TRPC7: variants seen among roughly 807,000 people sequenced by gnomAD.
TRPC7 encodes the protein short transient receptor potential channel 7.
A neutral mutation model predicts 90.1 loss-of-function variants in TRPC7; 42 were observed. That is an observed-to-expected ratio of 0.47 (90% confidence interval 0.36 to 0.60). The LOEUF is 0.60. TRPC7 is among the 20% of genes least tolerant of loss of function. TRPC7 has a pLI of 0.00. For missense variants in TRPC7, 955 were observed against 1,112.3 expected, an observed-to-expected ratio of 0.86 and a Z score of 2.01; for synonymous variants, 451 against 436.3, an observed-to-expected ratio of 1.03 and a Z score of -0.42.
Position 136,264,890 on chromosome 5 carries a change from C to T in TRPC7, c.1345+1330G>A, listed in dbSNP as rs114405782. Among the ~76,000 whole-genome samples, 1,459 of 152,214 alleles carry T rather than the reference C, an allele frequency of 9.6e-3. 14 individuals carry two copies. The highest frequency in any genetic ancestry group is 0.033 in the African/African-American group (1,378 of 41,526). The stretch of plus-strand genomic sequence containing the variant: ...ACAGGTGTGAGCCACTGTGCCTGGC[C>T]GGGTTGCTGGTTTTATAAAGTCCCT... On this transcript the variant is annotated intron_variant, in intron 5 of 11. Transcript: ENST00000513104.
chr5:136,306,776 C>A (rs1350995085), intron 3 of TRPC7, among the ~76,000 whole-genome samples: 1 of 152,168 alleles, frequency 6.6e-6, no homozygotes, highest in African/African-American at 2.4e-5. Context: ...GTAATCTCCC[C>A]CACCCTTAAG....
intron 3 of TRPC7, among the ~76,000 whole-genome samples, chr5:136,300,646 G>C (rs983989916): frequency 2.0e-5 from 3 of 152,232 alleles, no homozygotes; most frequent in African/African-American, 4.8e-5. Context: ...CTTTTCCAGA[G>C]TGACAAACCC....
chr5:136,227,264 G>A (rs564455896), intron 8 of TRPC7, among the ~76,000 whole-genome samples: 13 of 152,190 alleles, frequency 8.5e-5, no homozygotes, highest in Non-Finnish European at 1.9e-4. Context: ...TTTGAGACCA[G>A]GAAAGAGGCA....
chr5:136,313,118 A>G (rs1254648043), intron 3 of TRPC7, among the ~76,000 whole-genome samples: 5 of 151,868 alleles, frequency 3.3e-5, no homozygotes, highest in Non-Finnish European at 7.4e-5. Context: ...CGTGATGCAT[A>G]TTGAAGGCTC....
At chr5:136,302,972 A>G (rs13161866) in intron 3 of TRPC7, among the ~76,000 whole-genome samples, 49,492 of 151,466 alleles carry the variant, frequency 0.33, 8,480 homozygotes, top group South Asian at 0.5. Flanking sequence ...CTCCCCTCCT[A>G]GCCAGGCCGA....
rs761840301 is a variant in TRPC7 at position 136,266,297 on chromosome 5, T to C, written c.1268A>G (p.Asp423Gly). 1.2e-6 allele frequency: 2 copies of C among 1,613,968 alleles called. No individual in the cohort carries two copies. Among genetic ancestry groups the C allele is most frequent in the East Asian group, 4.5e-5 (2 of 44,876 alleles). The change falls in exon 5 of 12, where the codon GAC (aspartate) becomes GGC (glycine). Residue 423 changes from aspartate (D) to glycine (G), a missense_variant. Physicochemically the swap from Asp to Gly is moderately conservative, Grantham distance 94. This residue lies in a region of TRPC7 where 484 missense variants were observed against 509.6 expected (regional missense o/e 0.95). Coordinates refer to ENST00000513104, the MANE Select transcript of TRPC7 (RefSeq NM_020389.3). ...VKTLPNETFTDYPKQIFRVKT... is the reference protein window; with the variant it reads ...VKTLPNETFTGYPKQIFRVKT... ...CACTCTGAAGATTTGTTTTGGGTAG[T>C]CTGTGAAGGTTTCGTTTGGCAGGGT...
intron 5 of TRPC7, among the ~76,000 whole-genome samples, chr5:136,263,634 T>C (rs1756935214): frequency 6.6e-6 from 1 of 152,064 alleles, no homozygotes; most frequent in African/African-American, 2.4e-5. Context: ...AAATAAGATT[T>C]TAAGAATTGA....
intron 4 of TRPC7, among the ~76,000 whole-genome samples, chr5:136,270,900 T>C (rs1321340155): frequency 2.6e-5 from 4 of 152,214 alleles, no homozygotes; most frequent in Admixed American, 6.5e-5. Context: ...AAATTTCCTC[T>C]CCATGGCTAT....
intron 11 of TRPC7, among the ~76,000 whole-genome samples, chr5:136,215,793 AGCCTGG>A (rs1364239743): frequency 6.7e-6 from 1 of 149,110 alleles, no homozygotes; most frequent in African/African-American, 2.5e-5. Context: ...GTTGCACTCC[AGCCTGG>A]GCAACAGAGT....
At chr5:136,245,542 C>G (rs1400223906) in intron 7 of TRPC7, among the ~76,000 whole-genome samples, 2 of 152,166 alleles carry the variant, frequency 1.3e-5, no homozygotes, top group South Asian at 4.1e-4. Flanking sequence ...GGGCAGGGAT[C>G]AGAGCCATTT....
intron 3 of TRPC7, among the ~76,000 whole-genome samples, chr5:136,293,759 A>C (rs1316485275): frequency 2.6e-5 from 4 of 152,174 alleles, no homozygotes; most frequent in African/African-American, 9.7e-5. Flanking sequence ...CAAGCTACCA[A>C]TGACTTTCTT....
At chr5:136,263,202 C>G (rs2149810889) in intron 5 of TRPC7, among the ~76,000 whole-genome samples, 2 of 152,176 alleles carry the variant, frequency 1.3e-5, no homozygotes, top group African/African-American at 4.8e-5. Context: ...TGTTGATTAC[C>G]CAGGGCATTC....
intron 3 of TRPC7, among the ~76,000 whole-genome samples, chr5:136,276,368 C>T (rs1757367294): frequency 1.3e-5 from 2 of 152,260 alleles, no homozygotes; most frequent in South Asian, 2.1e-4. Context: ...TACCCTGGAA[C>T]GTCATGTGCT....
At chr5:136,331,438 T>G (rs898957924) in intron 2 of TRPC7, among the ~76,000 whole-genome samples, 1 of 152,126 alleles carries the variant, frequency 6.6e-6, no homozygotes, top group Non-Finnish European at 1.5e-5. Flanking sequence ...TTCATGGAGC[T>G]GACAGACCAG....
At chr5:136,357,608 C>A (rs1401803694) in intron 1 of TRPC7, among the ~76,000 whole-genome samples, 3 of 152,168 alleles carry the variant, frequency 2.0e-5, no homozygotes, top group African/African-American at 4.8e-5. Context: ...TGCCTCTATA[C>A]TCCTTGGGTG....
Position 136,281,568 on chromosome 5 carries a change from T to C in TRPC7, c.964-6731A>G, listed in dbSNP as rs370178325. On this transcript the variant is annotated intron_variant, in intron 3 of 11. Coordinates refer to ENST00000513104, the MANE Select transcript of TRPC7 (RefSeq NM_020389.3). Reference sequence around the variant, plus strand: ...TGTTACCAAGTTGGTTCTGCAACTCTGCAGGCCTTGCTGGTGGCTGTGCTG... The same window carrying C: ...TGTTACCAAGTTGGTTCTGCAACTCCGCAGGCCTTGCTGGTGGCTGTGCTG... Among the ~76,000 whole-genome samples, 190 of 152,332 alleles carry C rather than the reference T, an allele frequency of 1.2e-3. 2 individuals are homozygous for C. In the South Asian group the frequency reaches 0.022, roughly 18 times the overall value.
intron 2 of TRPC7, among the ~76,000 whole-genome samples, chr5:136,343,816 C>T (rs1759920681): frequency 6.6e-6 from 1 of 152,088 alleles, no homozygotes; most frequent in Non-Finnish European, 1.5e-5. Flanking sequence ...TTTGCAATGT[C>T]TGAAATAGAG....
chr5:136,291,692 G>T (rs1267042611), intron 3 of TRPC7, among the ~76,000 whole-genome samples: 1 of 152,094 alleles, frequency 6.6e-6, no homozygotes, highest in Non-Finnish European at 1.5e-5. Context: ...CAATAACAAT[G>T]GGAGACTTTA....
intron 4 of TRPC7, among the ~76,000 whole-genome samples, chr5:136,273,955 A>G (rs1757281110): frequency 6.6e-6 from 1 of 152,150 alleles, no homozygotes; most frequent in African/African-American, 2.4e-5. Context: ...CTAGTAGGGC[A>G]GCTTGGCACC....
Sources: allele counts gnomAD v4.1 joint callset (sites outside exome capture counted in the v4.1 genomes callset), GRCh38; gene constraint gnomAD v4.1.1; regional missense constraint gnomAD v4.1.1; transcripts MANE v1.5; gene names NCBI Gene and HGNC (gene_info 2026-07-23, HGNC 2026-07-21).